Variants in STARD13 observed in about 807,000 individuals in gnomAD.
STARD13 encodes StAR related lipid transfer domain containing 13, also known as stAR-related lipid transfer protein 13.
Under a neutral mutation model 106.4 loss-of-function variants are expected in STARD13, and 62 were observed. The ratio of observed to expected loss-of-function variants is 0.58; its 90% CI spans 0.48 to 0.72. The LOEUF is 0.72. STARD13 is among the 30% of genes least tolerant of loss of function. The pLI is 0.00. For missense variants in STARD13, 1,387 were observed against 1,424.0 expected (o/e 0.97, Z 0.42); for synonymous variants, 565 against 553.0 (o/e 1.02, Z -0.31).
the STARD13 span, among the ~76,000 whole-genome samples, chr13:33,436,754 T>C: frequency 2.0e-5 from 3 of 152,208 alleles, no homozygotes; most frequent in Non-Finnish European, 4.4e-5. Flanking sequence ...AAAGCAATAA[T>C]GACTGGCCTT....
the STARD13 span, among the ~76,000 whole-genome samples, chr13:33,528,643 C>T: frequency 5.3e-3 from 799 of 152,066 alleles, 6 homozygotes; most frequent in Non-Finnish European, 5.9e-3. Flanking sequence ...CTATAACAGA[C>T]GAATTTATTT....
At chr13:33,629,934 A>G in the STARD13 span, among the ~76,000 whole-genome samples, 1 of 152,210 alleles carries the variant, frequency 6.6e-6, no homozygotes, top group Non-Finnish European at 1.5e-5. Flanking sequence ...CACAAGCTCA[A>G]TATCATTTAG....
chr13:33,513,109 T>C, the STARD13 span, among the ~76,000 whole-genome samples: 2 of 152,188 alleles, frequency 1.3e-5, no homozygotes, highest in African/African-American at 4.8e-5. Context: ...CCTCAAAGCC[T>C]AAAATATTTA....
At chr13:33,163,315 G>A (rs750534234) in intron 3 of STARD13, among the ~76,000 whole-genome samples, 21 of 151,766 alleles carry the variant, frequency 1.4e-4, no homozygotes, top group Non-Finnish European at 2.2e-4. Context: ...AGCTGGGCTC[G>A]GTGGCTCACA....
the STARD13 span, among the ~76,000 whole-genome samples, chr13:33,580,479 C>T: frequency 6.6e-6 from 1 of 151,984 alleles, no homozygotes; most frequent in African/African-American, 2.4e-5. Flanking sequence ...ATGGTGGGTA[C>T]ATAATATATT....
At chr13:33,437,113 C>A in the STARD13 span, among the ~76,000 whole-genome samples, 5 of 152,186 alleles carry the variant, frequency 3.3e-5, no homozygotes, top group Non-Finnish European at 5.9e-5. Flanking sequence ...AAGCAGACAG[C>A]CCAGTGCCAC....
At chr13:33,232,095 C>A (rs933175893) in intron 1 of STARD13, among the ~76,000 whole-genome samples, 18 of 152,152 alleles carry the variant, frequency 1.2e-4, no homozygotes, top group African/African-American at 4.1e-4. Flanking sequence ...GGTGGATCAC[C>A]TTAGGTCAGG....
chr13:33,570,733 C>G, the STARD13 span, among the ~76,000 whole-genome samples: 1 of 152,156 alleles, frequency 6.6e-6, no homozygotes, highest in African/African-American at 2.4e-5. Flanking sequence ...AACGGAGGGA[C>G]AGCTGTGCAG....
intron 1 of STARD13, among the ~76,000 whole-genome samples, chr13:33,270,855 G>A (rs568911803): frequency 1.3e-5 from 2 of 152,130 alleles, no homozygotes; most frequent in Non-Finnish European, 2.9e-5. Flanking sequence ...CTATAGTAAA[G>A]GTTGTCTCTG....
chr13:33,556,148 A>C, the STARD13 span, among the ~76,000 whole-genome samples: 2 of 152,228 alleles, frequency 1.3e-5, no homozygotes, highest in Non-Finnish European at 2.9e-5. Flanking sequence ...AAAAATTCAT[A>C]AGGTAAGGTA....
At chr13:33,123,077 A>AAAAAAAAC in intron 7 of STARD13, among the ~76,000 whole-genome samples, 1 of 150,960 alleles carries the variant, frequency 6.6e-6, no homozygotes, top group Non-Finnish European at 1.5e-5. Flanking sequence ...AAAAAAAAAA[A>AAAAAAAAC]AAGCAAGGAC....
chr13:33,342,817 CTCTT>C (rs1353083931), intron 1 of STARD13, among the ~76,000 whole-genome samples: 15 of 152,182 alleles, frequency 9.9e-5, no homozygotes, highest in Admixed American at 3.3e-4. Flanking sequence ...TAATGTTGCT[CTCTT>C]TCTATTTTCC....
At chr13:33,478,374 T>C in the STARD13 span, among the ~76,000 whole-genome samples, 2 of 152,216 alleles carry the variant, frequency 1.3e-5, no homozygotes, top group Non-Finnish European at 2.9e-5. Flanking sequence ...AAAATTACTA[T>C]TGAGGACCTA....
intron 2 of STARD13, among the ~76,000 whole-genome samples, chr13:33,167,045 G>A (rs1411800671): frequency 7.3e-5 from 11 of 150,760 alleles, no homozygotes; most frequent in Non-Finnish European, 1.3e-4. Context: ...GAAGTGTAAT[G>A]CTAGCAATAA....
At chr13:33,542,547 C>T in the STARD13 span, among the ~76,000 whole-genome samples, 1 of 152,250 alleles carries the variant, frequency 6.6e-6, no homozygotes, top group Non-Finnish European at 1.5e-5. Context: ...CGCAAGCGCA[C>T]GGCGAGACCC....
Position 33,192,241 on chromosome 13 carries a change from G to A in STARD13, c.170-24619C>T, listed in dbSNP as rs191818147. Among the ~76,000 whole-genome samples, 478 of 152,334 alleles carry A rather than the reference G, an allele frequency of 3.1e-3. 2 individuals are homozygous for A. The highest frequency in any genetic ancestry group is 5.3e-3 in the Non-Finnish European group (359 of 68,032). Reference sequence around the variant, plus strand: ...TTAATTGCAGTACTTACTAAACAGGGAATATGCTACTTAGAAGCTAAAACA... The same window carrying A: ...TTAATTGCAGTACTTACTAAACAGGAAATATGCTACTTAGAAGCTAAAACA... On this transcript the variant is annotated intron_variant, in intron 1 of 13. Coordinates refer to ENST00000336934, the MANE Select transcript of STARD13 (RefSeq NM_178006.4).
intron 1 of STARD13, among the ~76,000 whole-genome samples, chr13:33,232,984 G>A (rs1322590149): frequency 6.6e-6 from 1 of 152,210 alleles, no homozygotes; most frequent in Non-Finnish European, 1.5e-5. Context: ...GGCAATACTT[G>A]TTGTCTCAGT....
the STARD13 span, among the ~76,000 whole-genome samples, chr13:33,503,508 T>G: frequency 6.6e-6 from 1 of 152,362 alleles, no homozygotes; most frequent in South Asian, 2.1e-4. Context: ...TGCTTTCTTT[T>G]GTGGGCATTT....
At chr13:33,632,811 ATTC>A in the STARD13 span, among the ~76,000 whole-genome samples, 1 of 149,142 alleles carries the variant, frequency 6.7e-6, no homozygotes, top group Non-Finnish European at 1.5e-5. Flanking sequence ...GATGTTCTAT[ATTC>A]TTTTTTTTTT....
Sources: allele counts gnomAD v4.1 joint callset (sites outside exome capture counted in the v4.1 genomes callset), GRCh38; gene constraint gnomAD v4.1.1; transcripts MANE v1.5; gene names NCBI Gene and HGNC (gene_info 2026-07-23, HGNC 2026-07-21).